ZBTB16: variants seen among roughly 807,000 people sequenced by gnomAD.
ZBTB16 encodes zinc finger and BTB domain containing 16, also known as zinc finger and BTB domain-containing protein 16.
In ZBTB16, 8 loss-of-function variants were observed where a neutral mutation model predicts 56.8. The observed-to-expected ratio is 0.14, with a 90% CI of 0.08 to 0.25. ZBTB16 has a LOEUF of 0.25. Among genes scored for constraint, ZBTB16 ranks in the 10% least tolerant of loss-of-function variants. The pLI is 1.00. For missense variants in ZBTB16, 625 were observed against 903.0 expected (o/e 0.69, Z 3.95); for synonymous variants, 363 against 368.5 (o/e 0.98, Z 0.17).
At chr11:114,135,985 G>C (rs940078979) in intron 2 of ZBTB16, among the ~76,000 whole-genome samples, 2 of 152,114 alleles carry the variant, frequency 1.3e-5, no homozygotes, top group Admixed American at 6.5e-5. Context: ...TCCTTCTTGT[G>C]GGGGAGATTC....
chr11:114,078,499 AC>A (rs1157688806), intron 2 of ZBTB16, among the ~76,000 whole-genome samples: 4 of 152,234 alleles, frequency 2.6e-5, no homozygotes, highest in Non-Finnish European at 5.9e-5. Context: ...TGAGAAACAA[AC>A]AAAAGAGTTT....
intron 2 of ZBTB16, among the ~76,000 whole-genome samples, chr11:114,071,574 T>G (rs1193831174): frequency 6.6e-6 from 1 of 152,250 alleles, no homozygotes; most frequent in Non-Finnish European, 1.5e-5. Context: ...GATTTCTTGC[T>G]AATTCAGGAG....
intron 4 of ZBTB16, among the ~76,000 whole-genome samples, chr11:114,217,817 T>C (rs1944140600): frequency 6.6e-6 from 1 of 152,164 alleles, no homozygotes; most frequent in Non-Finnish European, 1.5e-5. Context: ...AAGGGCCTCC[T>C]GCAGCCAGCT....
intron 2 of ZBTB16, among the ~76,000 whole-genome samples, chr11:114,072,551 C>G (rs1473698239): frequency 2.6e-5 from 4 of 152,180 alleles, no homozygotes; most frequent in African/African-American, 4.8e-5. Context: ...AGCTCCTTCC[C>G]TTTCCTGCCT....
chr11:114,238,436 G>A (rs1260249102), intron 4 of ZBTB16, among the ~76,000 whole-genome samples: 1 of 151,702 alleles, frequency 6.6e-6, no homozygotes, highest in Admixed American at 6.6e-5. Context: ...TTCAGGTTCT[G>A]GTGAGGGTCC....
rs80018753 is a variant in ZBTB16 at position 114,128,865 on chromosome 11, C to A, written c.1269-27472C>A. 4.4e-3 allele frequency among the ~76,000 whole-genome samples: 667 copies of A among 152,326 alleles called. 12 individuals carry two copies. Among genetic ancestry groups the A allele is most frequent in the African/African-American group, 0.015 (620 of 41,556 alleles). Reference sequence around the variant, plus strand: ...CTGGGGCACTGAAGCAGCCCAGAGGCGGCTACTGCAAACACCAGGGAGAGA... The same window carrying A: ...CTGGGGCACTGAAGCAGCCCAGAGGAGGCTACTGCAAACACCAGGGAGAGA... On this transcript the variant is annotated intron_variant, in intron 2 of 6. Coordinates refer to ENST00000335953, the MANE Select transcript of ZBTB16 (RefSeq NM_006006.6).
chr11:114,212,466 T>G (rs1944016628), intron 4 of ZBTB16, among the ~76,000 whole-genome samples: 1 of 152,128 alleles, frequency 6.6e-6, no homozygotes, highest in South Asian at 2.1e-4. Flanking sequence ...TCCTTTAACA[T>G]AGCCACACAA....
intron 6 of ZBTB16, among the ~76,000 whole-genome samples, chr11:114,249,496 T>G (rs1591815818): frequency 1.3e-4 from 13 of 100,684 alleles, no homozygotes; most frequent in South Asian, 3.5e-4. Flanking sequence ...CCGGGCGCGG[T>G]GGCTCACGCC....
At chr11:114,145,559 T>C (rs538254229) in intron 2 of ZBTB16, among the ~76,000 whole-genome samples, 6 of 152,344 alleles carry the variant, frequency 3.9e-5, no homozygotes, top group African/African-American at 1.4e-4. Context: ...TATTGTATGA[T>C]ACCATTTATA....
intron 2 of ZBTB16, among the ~76,000 whole-genome samples, chr11:114,079,131 A>AGTG: frequency 6.6e-6 from 1 of 150,606 alleles, no homozygotes; most frequent in East Asian, 1.9e-4. Flanking sequence ...AAGAAGAAGG[A>AGTG]GGCACCCTGG....
intron 3 of ZBTB16, among the ~76,000 whole-genome samples, chr11:114,167,787 T>C (rs1276739909): frequency 6.6e-6 from 1 of 152,218 alleles, no homozygotes; most frequent in Non-Finnish European, 1.5e-5. Flanking sequence ...ATTGGTTCTA[T>C]CTGGTTATCT....
rs1172339655 is a variant in ZBTB16, at chr11:114,148,435, C to G, written c.1269-7902C>G. 9.7e-4 allele frequency among the ~76,000 whole-genome samples: 44 copies of G among 45,164 alleles called. 3 individuals are homozygous for G. The highest frequency in any genetic ancestry group is 0.013 in the Middle Eastern group (1 of 78). The allele number at this position is 45,164 out of a possible 152,430, so 29.6% of individuals were successfully genotyped here. A position where few individuals can be genotyped will look rare whatever the true frequency, so the allele number is the denominator to read the frequency against. The stretch of plus-strand genomic sequence containing the variant: ...TCCCTCCCTCCCTCCCTCTCTCTCT[C>G]TTTCTCTCTCTCTGTCTGTCTGTCT... On this transcript the variant is annotated intron_variant, in intron 2 of 6. Transcript: ENST00000335953.
In ZBTB16 at chr11:114,063,932, A is replaced by G; in HGVS notation, c.632A>G (p.Gln211Arg). ...GTGGACAGTTTGATGACCATAGGAC[A>G]GTCTCTCCTGCAGGGAACTCTTCAG... ...AAVDSLMTIG[Q>R]SLLQGTLQPP... The change falls in exon 2 of 7, where the codon CAG becomes CGG. Residue 211 changes from glutamine to arginine, a missense_variant. By Grantham distance (43) the Gln-to-Arg change is conservative. Around this residue, in one of 6 missense-constraint regions of ZBTB16, gnomAD observed 384 missense variants for 393.5 expected, o/e 0.98. Coordinates refer to ENST00000335953, the MANE Select transcript of ZBTB16 (RefSeq NM_006006.6). This position sits in a 1 kb window ranked among gnomAD's most constrained non-coding sequence, Gnocchi z 6.5. 2 of 1,613,910 alleles carry G rather than the reference A, an allele frequency of 1.2e-6. No homozygotes were observed. Among genetic ancestry groups the G allele is most frequent in the Non-Finnish European group, 1.7e-6 (2 of 1,180,014 alleles).
intron 4 of ZBTB16, among the ~76,000 whole-genome samples, chr11:114,207,387 A>G (rs1056311754): frequency 3.9e-5 from 6 of 152,034 alleles, no homozygotes; most frequent in African/African-American, 9.7e-5. Flanking sequence ...GAATTTCCAG[A>G]TGGGATAAGA....
rs1323666838 is a variant in ZBTB16, at chr11:114,255,716, T to C, written c.*5161T>C. Among the ~76,000 whole-genome samples, 2 of 11,362 alleles carry C rather than the reference T, an allele frequency of 1.8e-4. No homozygotes were observed. Among genetic ancestry groups the C allele is most frequent in the African/African-American group, 2.4e-4 (2 of 8,256 alleles). The allele number at this position is 11,362 out of a possible 152,430, so 7.5% of individuals were successfully genotyped here. A position where few individuals can be genotyped will look rare whatever the true frequency, so the allele number is the denominator to read the frequency against. ...TGTAATTTCAGTGTTTCTGACAAGA[T>C]TTAAAAAAAAAAAAAAAGGAAAAAA... On this transcript the variant is annotated 3_prime_UTR_variant, in exon 7 of 7. Transcript: ENST00000335953.
intron 2 of ZBTB16, among the ~76,000 whole-genome samples, chr11:114,145,996 T>A (rs1015450021): frequency 6.6e-6 from 1 of 152,144 alleles, no homozygotes; most frequent in Non-Finnish European, 1.5e-5. Context: ...ATCAACAAAA[T>A]GCAATGATGG....
At chr11:114,068,229 A>G (rs1239100648) in intron 2 of ZBTB16, among the ~76,000 whole-genome samples, 2 of 152,034 alleles carry the variant, frequency 1.3e-5, no homozygotes, top group African/African-American at 4.8e-5. Context: ...TCCTTCTTGC[A>G]TTTCTTCTTG....
chr11:114,145,268 G>T (rs2134912720), intron 2 of ZBTB16, among the ~76,000 whole-genome samples: 1 of 152,312 alleles, frequency 6.6e-6, no homozygotes, highest in East Asian at 1.9e-4. Context: ...TCCTTAAAAG[G>T]TTAAACATAG....
At chr11:114,156,476 C>G in intron 3 of ZBTB16, 42 bp downstream of exon 3, 1 of 1,579,422 alleles carries the variant, frequency 6.3e-7, no homozygotes, top group African/African-American at 1.3e-5. Flanking sequence ...ATACAGGCAA[C>G]CATCTCCTGC....
Sources: gnomAD v4.1 joint callset for allele counts (sites outside exome capture counted in the v4.1 genomes callset) on GRCh38, gnomAD v4.1.1 for gene constraint, gnomAD v4.1.1 regional missense constraint, Gnocchi (gnomAD v3.1) non-coding constraint, MANE v1.5 for transcripts, NCBI Gene and HGNC (gene_info 2026-07-23, HGNC 2026-07-21) for gene names.